The following ZFHX4 variants were observed in gnomAD, a reference collection of about 807,000 sequenced individuals.
The protein encoded by ZFHX4 is zinc finger homeobox 4, also known as zinc finger homeobox protein 4.
A neutral mutation model predicts 267.6 loss-of-function variants in ZFHX4; 56 were observed. The observed-to-expected ratio is 0.21, with a 90% CI of 0.17 to 0.26. ZFHX4 has a LOEUF of 0.26. ZFHX4 is among the 10% of genes least tolerant of loss of function. The pLI is 1.00. For missense variants in ZFHX4, 4,332 were observed against 4,420.0 expected (o/e 0.98, Z 0.56); for synonymous variants, 1,778 against 1,665.6 (o/e 1.07, Z -1.64).
Position 76,863,205 on chromosome 8 carries a change from C to A in ZFHX4, c.9491C>A (p.Pro3164His). ...PTKPLLQTPP[P>H]PPPPPPPPPS... ...AAACCTTTGCTGCAGACTCCACCAC[C>A]TCCACCACCTCCTCCTCCTCCTCCT... The change falls in exon 11 of 11, where the codon CCT becomes CAT. Residue 3164 changes from proline (P) to histidine (H), a missense_variant. Pro to His is a moderately conservative substitution (Grantham distance 77). Coordinates refer to ENST00000651372, the MANE Select transcript of ZFHX4 (RefSeq NM_024721.5). 6.4e-7 allele frequency: 1 copy of A among 1,570,746 alleles called. No individual in the cohort carries two copies. The highest frequency in any genetic ancestry group is 8.6e-7 in the Non-Finnish European group (1 of 1,157,590).
chr8:76,784,952 A>G (rs537534825), intron 4 of ZFHX4, among the ~76,000 whole-genome samples: 1 of 152,174 alleles, frequency 6.6e-6, no homozygotes, highest in African/African-American at 2.4e-5. Context: ...TAAAAATATG[A>G]AATACACAAT....
At chr8:76,759,959 A>G (rs1809866861) in intron 3 of ZFHX4, among the ~76,000 whole-genome samples, 1 of 152,120 alleles carries the variant, frequency 6.6e-6, no homozygotes, top group Admixed American at 6.6e-5. Context: ...CTTTAAGCTT[A>G]TGTTGTTATT....
chr8:76,790,237 A>G (rs1810798886), intron 4 of ZFHX4, among the ~76,000 whole-genome samples: 1 of 152,188 alleles, frequency 6.6e-6, no homozygotes, highest in South Asian at 2.1e-4. Context: ...GCACTGGAAT[A>G]TACTTTAAAC....
chr8:76,761,675 T>C (rs2131730847), intron 3 of ZFHX4, among the ~76,000 whole-genome samples: 1 of 152,272 alleles, frequency 6.6e-6, no homozygotes, highest in Non-Finnish European at 1.5e-5. Flanking sequence ...TGTTTTAAAA[T>C]AGAAGGAAAA....
intron 4 of ZFHX4, among the ~76,000 whole-genome samples, chr8:76,793,887 C>T (rs1329952692): frequency 2.0e-5 from 3 of 151,980 alleles, no homozygotes; most frequent in Non-Finnish European, 2.9e-5. Flanking sequence ...CTTACGAGTA[C>T]GTAAGACTGG....
intron 3 of ZFHX4, among the ~76,000 whole-genome samples, chr8:76,771,412 C>T (rs773339157): frequency 9.2e-5 from 14 of 151,958 alleles, no homozygotes; most frequent in Non-Finnish European, 1.9e-4. Context: ...CAGTTTTCTT[C>T]TCTTTTTTTT....
rs984726397 is a variant in ZFHX4, at chr8:76,853,661, C to G, written c.6740C>G (p.Thr2247Arg). ...QLRVLQDFFDTNAYPKDDEIE... is the reference protein window; with the variant it reads ...QLRVLQDFFDRNAYPKDDEIE... ...AGGGTTCTGCAAGACTTTTTTGACA[C>G]AAACGCTTACCCAAAAGATGATGAA... Residue 2247 changes from threonine to arginine, a missense_variant, in exon 10 of 11, where the codon ACA becomes AGA. Physicochemically the swap from Thr to Arg is moderately conservative, Grantham distance 71 (BLOSUM62 -1). Coordinates refer to ENST00000651372, the MANE Select transcript of ZFHX4 (RefSeq NM_024721.5). The G allele has an allele frequency of 6.2e-7, 1 of 1,613,592 alleles. No homozygotes were observed. The highest frequency in any genetic ancestry group is 1.7e-5 in the Admixed American group (1 of 59,988).
chr8:76,842,840 C>G, intron 6 of ZFHX4, 69 bp downstream of exon 6: 1 of 1,089,934 alleles, frequency 9.2e-7, no homozygotes, highest in East Asian at 2.6e-5. Context: ...TCTTCCTTCA[C>G]CATCCCCCCA....
rs11361228 is a variant in ZFHX4, at chr8:76,819,142, GTTT to G, written c.3326-14177_3326-14175del. Among the ~76,000 whole-genome samples the G allele has an allele frequency of 2.6e-3, 327 of 127,552 alleles. 2 individuals carry two copies. The highest frequency in any genetic ancestry group is 8.0e-3 in the African/African-American group (275 of 34,162). 83.7% of individuals were successfully genotyped at this position (127,552 alleles called of 152,430 possible). On this transcript the variant is annotated intron_variant, in intron 4 of 10. Coordinates refer to ENST00000651372, the MANE Select transcript of ZFHX4 (RefSeq NM_024721.5). ...GAGGGGAAGTAATGTGCTCATAAAG[GTTT>G]TTTTTTTTTTTTTTTTTTAACTCAC... is the stretch of plus-strand genomic sequence containing the variant.
intron 1 of ZFHX4, among the ~76,000 whole-genome samples, chr8:76,697,855 T>C (rs539685578): frequency 1.3e-5 from 2 of 152,186 alleles, no homozygotes; most frequent in South Asian, 4.1e-4. Flanking sequence ...CTAATCCTAC[T>C]TTGCATAGAT....
At chr8:76,775,735 G>A (rs1202644023) in intron 3 of ZFHX4, among the ~76,000 whole-genome samples, 2 of 152,032 alleles carry the variant, frequency 1.3e-5, no homozygotes, top group Non-Finnish European at 2.9e-5. Context: ...TCAGATAATA[G>A]GAGCCTTGCT....
At chr8:76,741,870 G>T (rs1166159320) in intron 3 of ZFHX4, among the ~76,000 whole-genome samples, 1 of 152,148 alleles carries the variant, frequency 6.6e-6, no homozygotes, top group Admixed American at 6.5e-5. Context: ...CATGCTCTTA[G>T]CCTTAGCTAT....
chr8:76,803,689 C>A (rs1412360368), intron 4 of ZFHX4, among the ~76,000 whole-genome samples: 1 of 151,984 alleles, frequency 6.6e-6, no homozygotes. Flanking sequence ...TTAATATAAG[C>A]CACCAATTTT....
intron 4 of ZFHX4, among the ~76,000 whole-genome samples, chr8:76,817,718 A>G (rs1585976144): frequency 6.6e-6 from 1 of 152,216 alleles, no homozygotes; most frequent in Admixed American, 6.5e-5. Context: ...GCTGGCATAT[A>G]ACCGTGAAGA....
rs140017881 is a variant in ZFHX4, at chr8:76,861,923, G to A, written c.9380-1171G>A. 5.9e-3 allele frequency among the ~76,000 whole-genome samples: 890 copies of A among 151,434 alleles called. 11 individuals carry two copies. Among genetic ancestry groups the A allele is most frequent in the African/African-American group, 0.02 (819 of 41,244 alleles). On this transcript the variant is annotated intron_variant, in intron 10 of 10. Transcript: ENST00000651372. The stretch of plus-strand genomic sequence containing the variant: ...CTTCTCCTGGTTAATTCTTCCTTCC[G>A]CCCACCAGACCTCCATCACAGTCCT...
intron 1 of ZFHX4, among the ~76,000 whole-genome samples, chr8:76,697,259 G>A (rs748942837): frequency 3.3e-4 from 50 of 151,880 alleles, no homozygotes; most frequent in Non-Finnish European, 6.6e-4. Flanking sequence ...AAAATATACC[G>A]TCTTTACATT....
chr8:76,740,688 A>G (rs1809292637), intron 3 of ZFHX4, among the ~76,000 whole-genome samples: 1 of 152,192 alleles, frequency 6.6e-6, no homozygotes. Flanking sequence ...AAAGAAAGTC[A>G]GAAGAGTTAC....
At chr8:76,794,873 T>TTGCG (rs765733398) in intron 4 of ZFHX4, among the ~76,000 whole-genome samples, 76 of 143,164 alleles carry the variant, frequency 5.3e-4, no homozygotes, top group East Asian at 1.2e-3. Flanking sequence ...TGGCCTGTCA[T>TTGCG]TGTGTGTGTG....
intron 3 of ZFHX4, among the ~76,000 whole-genome samples, chr8:76,748,715 A>G (rs571575397): frequency 2.0e-4 from 30 of 152,106 alleles, no homozygotes; most frequent in Non-Finnish European, 2.1e-4. Context: ...CTTTTCTTTA[A>G]AAACAAAAAA....
Sources: gnomAD v4.1 joint callset for allele counts (sites outside exome capture counted in the v4.1 genomes callset) on GRCh38, gnomAD v4.1.1 for gene constraint, MANE v1.5 for transcripts, NCBI Gene and HGNC (gene_info 2026-07-23, HGNC 2026-07-21) for gene names.